Variants in PIK3R1 observed in about 807,000 individuals in gnomAD.
PIK3R1 encodes the protein phosphatidylinositol 3-kinase regulatory subunit alpha.
Under a neutral mutation model 98.0 loss-of-function variants are expected in PIK3R1, and 29 were observed. The ratio of observed to expected loss-of-function variants is 0.30; its 90% confidence interval spans 0.22 to 0.40. PIK3R1 has a LOEUF of 0.40. Among genes scored for constraint, PIK3R1 ranks in the 10% least tolerant of loss-of-function variants. The pLI is 1.00. For synonymous variants in PIK3R1, 282 were observed against 311.8 expected, an observed-to-expected ratio of 0.90 and a Z score of 1.01; for missense variants, 596 against 872.7, an observed-to-expected ratio of 0.68 and a Z score of 3.99.
At chr5:68,217,514 T>C (rs1743930625) in intron 1 of PIK3R1, 1 of 152,248 alleles carries the variant, frequency 6.6e-6, no homozygotes, top group Non-Finnish European at 1.5e-5. Flanking sequence ...TACACTGTTC[T>C]TGAAAAACCG....
intron 2 of PIK3R1, among the ~76,000 whole-genome samples, chr5:68,244,991 C>T (rs116039050): frequency 2.6e-3 from 400 of 152,304 alleles, no homozygotes; most frequent in Middle Eastern, 0.017. Flanking sequence ...TAAAGGCACT[C>T]ATACAGTTAA....
chr5:68,258,226 G>C (rs1006530122), intron 2 of PIK3R1, among the ~76,000 whole-genome samples: 1 of 152,172 alleles, frequency 6.6e-6, no homozygotes, highest in Admixed American at 6.5e-5. Context: ...TTTTTAGTAG[G>C]AGTTTGAAGC....
In PIK3R1 at chr5:68,237,631, T is replaced by C. The variant is rs1744712105; in HGVS notation, c.334+10622T>C. Among the ~76,000 whole-genome samples the C allele has an allele frequency of 5.3e-5, 8 of 151,424 alleles. No individual in the cohort carries two copies. The South Asian group carries it at 1.7e-3, about 32-fold the overall frequency. On this transcript the variant is annotated intron_variant, in intron 2 of 15. Coordinates refer to ENST00000521381, the MANE Select transcript of PIK3R1 (RefSeq NM_181523.3). ...AAAAAACTTTAAATGTTTTCTGAGT[T>C]AAAAAGGCCTCTGACTGGTAGTCCT...
At position 68,226,354 on chromosome 5, in the gene PIK3R1, T is replaced by C; in HGVS notation, c.-322T>C. The C allele has an allele frequency of 2.3e-6, 1 of 444,438 alleles. No individual in the cohort carries two copies. Among genetic ancestry groups the C allele is most frequent in the Non-Finnish European group, 4.0e-6 (1 of 252,226 alleles). 27.5% of individuals were successfully genotyped at this position (444,438 alleles called of 1,614,324 possible). ...ACAGATGGACAGTGTGACAAAAGTG[T>C]CAGAAAGGATTGGGCCTCGCTGTGA... On this transcript the variant is annotated 5_prime_UTR_variant, in exon 2 of 16. Transcript: ENST00000521381.
chr5:68,274,631 C>T (rs1457954440), intron 4 of PIK3R1, among the ~76,000 whole-genome samples: 1 of 152,090 alleles, frequency 6.6e-6, no homozygotes, highest in Non-Finnish European at 1.5e-5. Flanking sequence ...AATATTCCCA[C>T]CGGGGCTTAT....
Position 68,295,226 on chromosome 5 carries a change from G to A in PIK3R1, c.1647G>A (p.Leu549=), listed in dbSNP as rs1167564681. 1 of 1,613,894 alleles carries A rather than the reference G, an allele frequency of 6.2e-7. No homozygotes were observed. Among genetic ancestry groups the A allele is most frequent in the African/African-American group, 1.3e-5 (1 of 74,910 alleles). ...IDSRRRLEED[L]KKQAAEYREI... The stretch of plus-strand genomic sequence containing the variant: ...GTAGAAGAAGATTGGAAGAAGACTT[G>A]AAGAAGCAGGCAGCTGAGTATCGAG... Residue 549 remains leucine (L), a synonymous_variant, in exon 13 of 16, where the codon TTG becomes TTA. Coordinates refer to ENST00000521381, the MANE Select transcript of PIK3R1 (RefSeq NM_181523.3).
chr5:68,226,150 G>A, intron 1 of PIK3R1, 140 bp from the exon 2 acceptor site: 2 of 317,686 alleles, frequency 6.3e-6, no homozygotes, highest in Non-Finnish European at 1.2e-5. Context: ...ACTAATCTCT[G>A]TTGTGTCAAG....
rs1554049809 is a variant in PIK3R1, at chr5:68,280,911, ACT to A, written c.837-11_837-10del. On this transcript the variant is annotated splice_polypyrimidine_tract_variant and intron_variant, in intron 6 of 15. Transcript: ENST00000521381. The stretch of plus-strand genomic sequence containing the variant: ...CTTTTAGGGAAAAGGTTTCTAATAA[ACT>A]CTCTTTCTTACAGCTCTGATAATAC... The A allele has an allele frequency of 3.9e-6, 6 of 1,525,016 alleles. No homozygotes were observed. Among genetic ancestry groups the A allele is most frequent in the Non-Finnish European group, 4.5e-6 (5 of 1,116,428 alleles). The allele number at this position is 1,525,016 out of a possible 1,614,324, so 94.5% of individuals were successfully genotyped here. A position where few individuals can be genotyped will look rare whatever the true frequency, so the allele number is the denominator to read the frequency against.
chr5:68,262,964 T>TAG (rs1310427339), intron 2 of PIK3R1, among the ~76,000 whole-genome samples: 1 of 59,002 alleles, frequency 1.7e-5, no homozygotes, highest in African/African-American at 7.5e-5. Context: ...TAGATACATG[T>TAG]ATACATATAT....
At chr5:68,271,060 G>A (rs532092536) in intron 2 of PIK3R1, among the ~76,000 whole-genome samples, 5 of 152,294 alleles carry the variant, frequency 3.3e-5, no homozygotes, top group African/African-American at 1.2e-4. Flanking sequence ...TCACCCACAT[G>A]AATTTTCTTA....
intron 2 of PIK3R1, among the ~76,000 whole-genome samples, chr5:68,232,184 T>G (rs1280250972): frequency 6.6e-6 from 1 of 152,258 alleles, no homozygotes. Context: ...ATATGTCATT[T>G]GCATATTAAA....
chr5:68,288,308 C>T, intron 7 of PIK3R1: 2 of 650,556 alleles, frequency 3.1e-6, no homozygotes, highest in Non-Finnish European at 3.9e-6. Flanking sequence ...TCCCCTCCCC[C>T]TCCCGAAATC....
chr5:68,280,180 C>T (rs530379180), intron 5 of PIK3R1: 16 of 334,032 alleles, frequency 4.8e-5, no homozygotes, highest in Admixed American at 3.1e-4. Flanking sequence ...GAAACTGGTT[C>T]GTAACCTTCA....
intron 1 of PIK3R1, among the ~76,000 whole-genome samples, chr5:68,225,779 A>G (rs1402724151): frequency 6.6e-6 from 1 of 152,144 alleles, no homozygotes; most frequent in Non-Finnish European, 1.5e-5. Flanking sequence ...GTGATGTCCT[A>G]CAGCCCCTAC....
chr5:68,298,220 G>GTGTT lies in PIK3R1; in HGVS notation c.*621_*624dup. Reference sequence around the variant, plus strand: ...ATTCTGTCATAGAAAGTGCCAGAAAGTGTTTAACTTGTCAAAAAACAAAAA... The same window carrying GTGTT: ...ATTCTGTCATAGAAAGTGCCAGAAAGTGTTTGTTTAACTTGTCAAAAAACAAAAA... On this transcript the variant is annotated 3_prime_UTR_variant, in exon 16 of 16. Transcript: ENST00000521381. 4.3e-6 allele frequency: 1 copy of GTGTT among 232,800 alleles called. No homozygotes were observed. Among genetic ancestry groups the GTGTT allele is most frequent in the Non-Finnish European group, 8.5e-6 (1 of 117,534 alleles). The allele number at this position is 232,800 out of a possible 1,614,324, so 14.4% of individuals were successfully genotyped here. A position where few individuals can be genotyped will look rare whatever the true frequency, so the allele number is the denominator to read the frequency against.
At chr5:68,259,125 C>T (rs557936559) in intron 2 of PIK3R1, among the ~76,000 whole-genome samples, 72 of 152,314 alleles carry the variant, frequency 4.7e-4, no homozygotes, top group African/African-American at 1.6e-3. Context: ...ATGGTCAAAG[C>T]CACACAGAGC....
At chr5:68,273,822 G>A (rs1314402758) in intron 3 of PIK3R1, 117 bp from the exon 4 acceptor site, 2 of 788,478 alleles carry the variant, frequency 2.5e-6, no homozygotes, top group Non-Finnish European at 4.3e-6. Context: ...AAGAATATTT[G>A]GTACACATCT....
At chr5:68,235,444 A>G (rs1255903758) in intron 2 of PIK3R1, among the ~76,000 whole-genome samples, 1 of 139,802 alleles carries the variant, frequency 7.2e-6, no homozygotes, top group Non-Finnish European at 1.6e-5. Flanking sequence ...AAATAAATAA[A>G]TAATTTTCAA....
chr5:68,263,808 C>G (rs959654884), intron 2 of PIK3R1, among the ~76,000 whole-genome samples: 1 of 152,088 alleles, frequency 6.6e-6, no homozygotes, highest in Non-Finnish European at 1.5e-5. Flanking sequence ...AGGCCTCTTG[C>G]CTTTCTTGCC....
Sources: gnomAD v4.1 joint callset for allele counts (sites outside exome capture counted in the v4.1 genomes callset) on GRCh38, gnomAD v4.1.1 for gene constraint, MANE v1.5 for transcripts, NCBI Gene and HGNC (gene_info 2026-07-23, HGNC 2026-07-21) for gene names.